The following UNC13B variants were observed in gnomAD, a reference collection of about 807,000 sequenced individuals.
UNC13B encodes the protein unc-13 homolog B, also known as protein unc-13 homolog B.
A neutral mutation model predicts 211.0 loss-of-function variants in UNC13B; 144 were observed. The ratio of observed to expected loss-of-function variants is 0.68; its 90% CI spans 0.60 to 0.78. The LOEUF is 0.78. Ranked by LOEUF, UNC13B falls within the 30% of genes least tolerant of loss-of-function variation. UNC13B has a pLI of 0.00. For missense variants in UNC13B, 1,777 were observed against 2,002.0 expected, an observed-to-expected ratio of 0.89 and a Z score of 2.14; for synonymous variants, 709 against 725.8, an observed-to-expected ratio of 0.98 and a Z score of 0.37.
intron 12 of UNC13B, among the ~76,000 whole-genome samples, chr9:35,368,721 G>GTCTTT (rs747654839): frequency 7.4e-6 from 1 of 135,778 alleles, no homozygotes; most frequent in African/African-American, 2.7e-5. Flanking sequence ...GTCAGTATCT[G>GTCTTT]TTTTTTTTTT....
At chr9:35,318,110 A>C (rs1417169974) in intron 11 of UNC13B, among the ~76,000 whole-genome samples, 1 of 152,196 alleles carries the variant, frequency 6.6e-6, no homozygotes, top group South Asian at 2.1e-4. Flanking sequence ...AAAGCTTGGA[A>C]TCATACAGAC....
rs775394090 is a variant in UNC13B at position 35,313,955 on chromosome 9, G to A, written c.9380G>A (p.Arg3127Gln). 307 of 1,613,828 alleles carry A rather than the reference G, an allele frequency of 1.9e-4. 4 individuals carry two copies. In the South Asian group the frequency reaches 3.0e-3, roughly 16 times the overall value. Reference protein sequence around the residue: ...PFTQARAHWIRAVTKVRLQLQ... With the variant: ...PFTQARAHWIQAVTKVRLQLQ... ...ACCCAAGCCAGAGCACATTGGATCC[G>A]AGCAGTTACCAAGGTTCGACTCCAG... is the stretch of plus-strand genomic sequence containing the variant. The change falls in exon 11 of 40, where the codon CGA (arginine) becomes CAA (glutamine). Residue 3127 changes from arginine to glutamine, a missense_variant. Coordinates refer to ENST00000635942, the MANE Select transcript of UNC13B (RefSeq NM_001371189.2).
intron 22 of UNC13B, chr9:35,385,325 C>T: frequency 2.0e-6 from 2 of 985,434 alleles, no homozygotes; most frequent in Non-Finnish European, 2.4e-6. Flanking sequence ...TGTAGTGTGG[C>T]TCCACTTATA....
intron 7 of UNC13B, among the ~76,000 whole-genome samples, chr9:35,271,964 AG>A (rs913657918): frequency 9.8e-4 from 150 of 152,328 alleles, no homozygotes; most frequent in African/African-American, 3.4e-3. Context: ...AGAGGTTCAA[AG>A]GAAGATTTAT....
Position 35,381,026 on chromosome 9 carries a change from G to T in UNC13B, c.10376-74G>T. On this transcript the variant is annotated intron_variant, in intron 18 of 39. Coordinates refer to ENST00000635942, the MANE Select transcript of UNC13B (RefSeq NM_001371189.2). Reference sequence around the variant, plus strand: ...TTGGGTTGGCCCCTTCTCTTCCTTGGGTTAAGCCAGAATGGAACTATCTAT... The same window carrying T: ...TTGGGTTGGCCCCTTCTCTTCCTTGTGTTAAGCCAGAATGGAACTATCTAT... The T allele has an allele frequency of 2.7e-6, 4 of 1,459,302 alleles. No individual in the cohort carries two copies. In the South Asian group the frequency reaches 5.2e-5, roughly 19 times the overall value. 90.4% of individuals were successfully genotyped at this position (1,459,302 alleles called of 1,614,324 possible).
intron 22 of UNC13B, chr9:35,384,854 T>C (rs1337548343): frequency 1.4e-6 from 1 of 700,638 alleles, no homozygotes; most frequent in African/African-American, 1.9e-5. Context: ...GGCAGTTTCT[T>C]AGTTCCTCCT....
rs890874161 is a variant in UNC13B at position 35,175,066 on chromosome 9, T to A, written c.22+12761T>A. Among the ~76,000 whole-genome samples the A allele has an allele frequency of 3.3e-5, 5 of 152,376 alleles. 1 individual carries two copies. Among genetic ancestry groups the A allele is most frequent in the Admixed American group, 1.3e-4 (2 of 15,302 alleles). ...TGTCTGCTTCAGCCTCCCAAAGTGC[T>A]GGGATTACAGGCGTGAGCCCCTGTG... On this transcript the variant is annotated intron_variant, in intron 1 of 39. Coordinates refer to ENST00000635942, the MANE Select transcript of UNC13B (RefSeq NM_001371189.2).
chr9:35,258,976 C>T lies in UNC13B; in HGVS notation c.469-17C>T. 6 of 1,608,988 alleles carry T rather than the reference C, an allele frequency of 3.7e-6. No homozygotes were observed. Among genetic ancestry groups the T allele is most frequent in the Non-Finnish European group, 5.1e-6 (6 of 1,177,956 alleles). On this transcript the variant is annotated splice_polypyrimidine_tract_variant and intron_variant, in intron 6 of 39. Transcript: ENST00000635942. ...CTGATTGTATTTATTTATTTATTTT[C>T]TCCTTTCTGCTTCTAGTATTCTAGT...
At chr9:35,326,667 G>A (rs942560441) in intron 11 of UNC13B, among the ~76,000 whole-genome samples, 4 of 152,220 alleles carry the variant, frequency 2.6e-5, no homozygotes, top group East Asian at 1.9e-4. Flanking sequence ...GGGATTGCAG[G>A]TGTGAACCAC....
intron 11 of UNC13B, among the ~76,000 whole-genome samples, chr9:35,338,036 G>A (rs1228030171): frequency 6.6e-6 from 1 of 152,082 alleles, no homozygotes; most frequent in Non-Finnish European, 1.5e-5. Flanking sequence ...GCTTGGGCTG[G>A]GATATATATA....
At position 35,364,468 on chromosome 9, in the gene UNC13B, T is replaced by G. The variant is rs1398296570; in HGVS notation, c.9415-2479T>G. On this transcript the variant is annotated intron_variant, in intron 11 of 39. Transcript: ENST00000635942. ...ATGTCCCTTGGAGTTTAGCTGGCAT[T>G]TTCTTTGGGTTCCCTACTTATAGGA... 2.0e-6 allele frequency: 3 copies of G among 1,489,226 alleles called. No individual in the cohort carries two copies. The Admixed American group carries it at 6.0e-5, about 30-fold the overall frequency. 92.3% of individuals were successfully genotyped at this position (1,489,226 alleles called of 1,614,324 possible).
chr9:35,232,068 A>G (rs1366358596), intron 3 of UNC13B, among the ~76,000 whole-genome samples: 1 of 151,684 alleles, frequency 6.6e-6, no homozygotes. Flanking sequence ...TTTGAAACTG[A>G]ACTGAAATCG....
At chr9:35,355,855 T>C (rs891284053) in intron 11 of UNC13B, among the ~76,000 whole-genome samples, 1 of 152,186 alleles carries the variant, frequency 6.6e-6, no homozygotes, top group Non-Finnish European at 1.5e-5. Flanking sequence ...ATCAAAGCAA[T>C]ACTTCTTACA....
At chr9:35,247,198 G>A (rs1162976571) in intron 6 of UNC13B, among the ~76,000 whole-genome samples, 1 of 152,124 alleles carries the variant, frequency 6.6e-6, no homozygotes, top group African/African-American at 2.4e-5. Flanking sequence ...TTTGCACATT[G>A]ATTTTGTATC....
intron 37 of UNC13B, among the ~76,000 whole-genome samples, chr9:35,402,890 C>T (rs1292141143): frequency 1.3e-5 from 2 of 152,146 alleles, no homozygotes; most frequent in African/African-American, 4.8e-5. Flanking sequence ...AGTTAAAAGT[C>T]CTTCAGCCTA....
intron 12 of UNC13B, among the ~76,000 whole-genome samples, chr9:35,368,636 C>G (rs1833922445): frequency 6.6e-6 from 1 of 151,748 alleles, no homozygotes; most frequent in African/African-American, 2.4e-5. Context: ...AATCACCACA[C>G]TGCTTTCCAC....
At chr9:35,253,530 A>T (rs1826639458) in intron 6 of UNC13B, among the ~76,000 whole-genome samples, 1 of 152,228 alleles carries the variant, frequency 6.6e-6, no homozygotes, top group Admixed American at 6.5e-5. Context: ...AGATTCACTA[A>T]TTATTAAGAT....
At position 35,274,320 on chromosome 9, in the gene UNC13B, G is replaced by A. The variant is rs1243514950; in HGVS notation, c.526+15270G>A. ...AACTCCTGGCCTCAAGCTATCCTCT[G>A]CCTTAGCCTCCCAAACTGCTGTGAT... On this transcript the variant is annotated intron_variant, in intron 7 of 39. Coordinates refer to ENST00000635942, the MANE Select transcript of UNC13B (RefSeq NM_001371189.2). Among the ~76,000 whole-genome samples the A allele has an allele frequency of 2.6e-5, 4 of 152,000 alleles. No homozygotes were observed. The East Asian group carries it at 7.7e-4, about 29-fold the overall frequency.
chr9:35,263,140 A>C (rs1447288399), intron 7 of UNC13B, among the ~76,000 whole-genome samples: 5 of 152,186 alleles, frequency 3.3e-5, no homozygotes, highest in Non-Finnish European at 7.4e-5. Flanking sequence ...CAGCAGCTGA[A>C]TTTCTGGAAA....
Sources: allele counts gnomAD v4.1 joint callset (sites outside exome capture counted in the v4.1 genomes callset), GRCh38; gene constraint gnomAD v4.1.1; transcripts MANE v1.5; gene names NCBI Gene and HGNC (gene_info 2026-07-23, HGNC 2026-07-21).